The following RYR2 variants were observed in gnomAD, a reference collection of about 807,000 sequenced individuals.
RYR2 encodes the protein ryanodine receptor 2.
In RYR2, 227 loss-of-function variants were observed where a neutral mutation model predicts 601.1. The ratio of observed to expected loss-of-function variants is 0.38; its 90% CI spans 0.34 to 0.42. The LOEUF is 0.42. Among genes scored for constraint, RYR2 ranks in the 10% least tolerant of loss-of-function variants. The pLI is 1.00. For missense variants in RYR2, 4,646 were observed against 6,156.5 expected (o/e 0.75, Z 8.21); for synonymous variants, 2,223 against 2,175.1 (o/e 1.02, Z -0.61).
At chr1:237,132,534 A>G (rs150235666) in intron 1 of RYR2, among the ~76,000 whole-genome samples, 1 of 152,240 alleles carries the variant, frequency 6.6e-6, no homozygotes, top group African/African-American at 2.4e-5. Flanking sequence ...CAGACTGGAC[A>G]CTTCAGAGGC....
At chr1:237,365,502 C>G (rs1460210978) in intron 5 of RYR2, among the ~76,000 whole-genome samples, 1 of 152,176 alleles carries the variant, frequency 6.6e-6, no homozygotes, top group Non-Finnish European at 1.5e-5. Context: ...TCAAATAACT[C>G]TAGCTCTTAT....
In RYR2 at chr1:237,708,988, CA is replaced by C. The variant is rs1060503778; in HGVS notation, c.10033del (p.Arg3345GlyfsTer12). 2.5e-6 allele frequency: 4 copies of C among 1,613,556 alleles called. No individual in the cohort carries two copies. The highest frequency in any genetic ancestry group is 2.7e-5 in the African/African-American group (2 of 74,864). ...SEEDHLKAEA[R>X]GDMSEAELLI... ...AGGAAGACCACCTGAAAGCTGAGGC[CA>C]GGGGGGACATGTCGGAGGCAGAACT... is the stretch of plus-strand genomic sequence containing the variant. On this transcript the variant is annotated frameshift_variant, in exon 69 of 105. Transcript: ENST00000366574. LOFTEE classifies it high-confidence loss of function.
At chr1:237,270,685 G>C in intron 2 of RYR2, 69 bp downstream of exon 2, 1 of 1,485,244 alleles carries the variant, frequency 6.7e-7, no homozygotes, top group South Asian at 1.2e-5. Flanking sequence ...TTATTTATGA[G>C]CTCTCTACTA....
chr1:237,222,184 G>A (rs1356519067), intron 1 of RYR2, among the ~76,000 whole-genome samples: 1 of 152,102 alleles, frequency 6.6e-6, no homozygotes, highest in Non-Finnish European at 1.5e-5. Context: ...GGAGGCTGAG[G>A]TGGGCGGATC....
chr1:237,336,684 C>T (rs370707116), intron 3 of RYR2, among the ~76,000 whole-genome samples: 32 of 151,270 alleles, frequency 2.1e-4, no homozygotes, highest in African/African-American at 6.1e-4. Context: ...GGAGAAACCC[C>T]GTCTCTTATG....
intron 12 of RYR2, among the ~76,000 whole-genome samples, chr1:237,426,301 G>A (rs4659794): frequency 0.14 from 21,688 of 152,010 alleles, 2,129 homozygotes; most frequent in East Asian, 0.45. Flanking sequence ...GGCACAGCTG[G>A]TAAAACCTCA....
At position 237,367,217 on chromosome 1, in the gene RYR2, C is replaced by G. The variant is rs997704759; in HGVS notation, c.310-2317C>G. ...CAAGCCATTCTTCTGTCTCAGCCTC[C>G]TGAAAGTAGCTGGGATTACAGGCGC... On this transcript the variant is annotated intron_variant, in intron 5 of 104. Transcript: ENST00000366574. Among the ~76,000 whole-genome samples, 6 of 152,060 alleles carry G rather than the reference C, an allele frequency of 3.9e-5. 1 individual carries two copies. Among genetic ancestry groups the G allele is most frequent in the Non-Finnish European group, 5.9e-5 (4 of 68,024 alleles).
intron 1 of RYR2, among the ~76,000 whole-genome samples, chr1:237,221,773 T>C (rs1558450140): frequency 6.6e-6 from 1 of 152,196 alleles, no homozygotes; most frequent in Non-Finnish European, 1.5e-5. Flanking sequence ...ACTGAGGTAG[T>C]ATATTCTGGG....
At chr1:237,309,387 C>A (rs1046648651) in intron 2 of RYR2, among the ~76,000 whole-genome samples, 2 of 151,468 alleles carry the variant, frequency 1.3e-5, no homozygotes, top group African/African-American at 4.9e-5. Context: ...TATTTACAAT[C>A]CCTTAGCTAG....
At chr1:237,443,151 C>A (rs189292730) in intron 13 of RYR2, among the ~76,000 whole-genome samples, 1 of 152,000 alleles carries the variant, frequency 6.6e-6, no homozygotes, top group African/African-American at 2.4e-5. Context: ...TTCTTTGGTG[C>A]TGTTCTGTTC....
rs1243240510 is a variant in RYR2, at chr1:237,549,216, G to T, written c.3066+626G>T. Among the ~76,000 whole-genome samples, 4 of 152,150 alleles carry T rather than the reference G, an allele frequency of 2.6e-5. No individual in the cohort carries two copies. In the East Asian group the frequency reaches 7.7e-4, roughly 29 times the overall value. ...GATATTCAGGTATTTGGGTATTAAG[G>T]TATTCAGGATTAGGTATTCAGTACA... On this transcript the variant is annotated intron_variant, in intron 26 of 104. Coordinates refer to ENST00000366574, the MANE Select transcript of RYR2 (RefSeq NM_001035.3).
chr1:237,158,543 T>C (rs1217647470), intron 1 of RYR2, among the ~76,000 whole-genome samples: 1 of 152,242 alleles, frequency 6.6e-6, no homozygotes, highest in African/African-American at 2.4e-5. Context: ...TTTTCCCTTA[T>C]TTTCCTTTTT....
Position 237,697,432 on chromosome 1 carries a change from ATAAT to A in RYR2, c.9068-1532_9068-1529del, listed in dbSNP as rs1183701317. The stretch of plus-strand genomic sequence containing the variant: ...ATATAATTATATCATATATAATTAT[ATAAT>A]ATATATTTATGTAAATATATATTAT... On this transcript the variant is annotated intron_variant, in intron 63 of 104. Transcript: ENST00000366574. 1.3e-4 allele frequency among the ~76,000 whole-genome samples: 19 copies of A among 142,974 alleles called. No individual in the cohort carries two copies. In the Admixed American group the frequency reaches 1.4e-3, roughly 10 times the overall value. The allele number at this position is 142,974 out of a possible 152,430, so 93.8% of individuals were successfully genotyped here.
intron 97 of RYR2, among the ~76,000 whole-genome samples, chr1:237,800,284 TCCCCCAAC>T (rs1558443842): frequency 1.2e-4 from 19 of 152,286 alleles, no homozygotes; most frequent in African/African-American, 4.6e-4. Flanking sequence ...CTACATTTTT[TCCCCCAAC>T]TCTTCCTTTT....
intron 42 of RYR2, among the ~76,000 whole-genome samples, chr1:237,633,022 T>G (rs979936494): frequency 6.6e-6 from 1 of 152,106 alleles, no homozygotes; most frequent in South Asian, 2.1e-4. Context: ...GGGTCAAACA[T>G]GCAGGCCTTC....
rs1466601500 is a variant in RYR2, at chr1:237,432,799, TCAG to T, written c.1006-8517_1006-8515del. Among the ~76,000 whole-genome samples, 13 of 152,208 alleles carry T rather than the reference TCAG, an allele frequency of 8.5e-5. No individual in the cohort carries two copies. The East Asian group carries it at 2.1e-3, about 25-fold the overall frequency. ...TTTTCTGTCATCACTATCATTATCA[TCAG>T]CATCATTTTCTTAAAGCAAATTAAT... On this transcript the variant is annotated intron_variant, in intron 12 of 104. Transcript: ENST00000366574.
chr1:237,356,029 T>G, intron 4 of RYR2, 44 bp downstream of exon 4: 1 of 1,564,970 alleles, frequency 6.4e-7, no homozygotes, highest in Non-Finnish European at 8.8e-7. Context: ...GATCTAAAAG[T>G]GCATGCTTGC....
At chr1:237,134,202 G>C (rs1315174171) in intron 1 of RYR2, among the ~76,000 whole-genome samples, 1 of 152,116 alleles carries the variant, frequency 6.6e-6, no homozygotes, top group Non-Finnish European at 1.5e-5. Context: ...AAGCCTCACT[G>C]GTCCCCTGGC....
chr1:237,046,794 C>A (rs1416241702), intron 1 of RYR2, among the ~76,000 whole-genome samples: 1 of 152,184 alleles, frequency 6.6e-6, no homozygotes, highest in African/African-American at 2.4e-5. Context: ...TGATGAAGCA[C>A]ACATTTTTCC....
Sources: allele counts gnomAD v4.1 joint callset (sites outside exome capture counted in the v4.1 genomes callset), GRCh38; gene constraint gnomAD v4.1.1; transcripts MANE v1.5; gene names NCBI Gene and HGNC (gene_info 2026-07-23, HGNC 2026-07-21).